FAM117B: variants seen among roughly 807,000 people sequenced by gnomAD.
FAM117B encodes protein FAM117B.
A neutral mutation model predicts 52.8 loss-of-function variants in FAM117B; 22 were observed. The ratio of observed to expected loss-of-function variants is 0.42; its 90% confidence interval spans 0.30 to 0.59. FAM117B has a LOEUF of 0.59. Among genes scored for constraint, FAM117B ranks in the 20% least tolerant of loss-of-function variants. The pLI, the probability that FAM117B is intolerant of heterozygous loss-of-function variation, is 0.22. For missense variants in FAM117B, 678 were observed against 802.6 expected (o/e 0.84, Z 1.88); for synonymous variants, 309 against 324.1 (o/e 0.95, Z 0.50).
intron 1 of FAM117B, among the ~76,000 whole-genome samples, chr2:202,651,444 C>T (rs982643952): frequency 2.6e-5 from 4 of 151,486 alleles, no homozygotes; most frequent in African/African-American, 9.7e-5. Flanking sequence ...ACAATCTTGG[C>T]TCACTGCAAC....
chr2:202,704,106 G>C (rs1366656910), intron 2 of FAM117B, among the ~76,000 whole-genome samples: 3 of 152,052 alleles, frequency 2.0e-5, no homozygotes, highest in African/African-American at 7.3e-5. Flanking sequence ...ATCTCCTTTA[G>C]AGTTCAGACA....
At chr2:202,740,201 A>AAAAAAAAAT (rs1559113324) in intron 4 of FAM117B, among the ~76,000 whole-genome samples, 21 of 147,614 alleles carry the variant, frequency 1.4e-4, no homozygotes, top group African/African-American at 5.0e-4. Flanking sequence ...AAAAAAAAAA[A>AAAAAAAAAT]ATCCCCAAAT....
chr2:202,668,804 C>T (rs1690249656), intron 1 of FAM117B, among the ~76,000 whole-genome samples: 1 of 151,942 alleles, frequency 6.6e-6, no homozygotes, highest in Admixed American at 6.6e-5. Context: ...GTGTTTATTT[C>T]CATTTCATAA....
chr2:202,750,513 A>AAAC (rs1392343037), intron 4 of FAM117B, among the ~76,000 whole-genome samples: 1 of 152,174 alleles, frequency 6.6e-6, no homozygotes, highest in Admixed American at 6.5e-5. Flanking sequence ...ACCCTGTCTC[A>AAAC]AACAACAACA....
intron 1 of FAM117B, among the ~76,000 whole-genome samples, chr2:202,695,360 C>T (rs566181904): frequency 9.9e-5 from 15 of 151,964 alleles, no homozygotes; most frequent in African/African-American, 3.1e-4. Context: ...TTATAAATTG[C>T]GCCATTCTGA....
In FAM117B at chr2:202,765,797, A is replaced by C. The variant is rs1368078870; in HGVS notation, c.*33A>C. On this transcript the variant is annotated 3_prime_UTR_variant, in exon 8 of 8. Transcript: ENST00000392238. ...TGCAACGTGGCTGTTGTTCTGGGAA[A>C]TTGGGAACCTCCTCAGATCACTGGA... 6.3e-7 allele frequency: 1 copy of C among 1,596,792 alleles called. No homozygotes were observed. Among genetic ancestry groups the C allele is most frequent in the African/African-American group, 1.3e-5 (1 of 74,594 alleles).
At chr2:202,723,809 G>A (rs977285417) in intron 2 of FAM117B, among the ~76,000 whole-genome samples, 3 of 152,142 alleles carry the variant, frequency 2.0e-5, no homozygotes, top group Non-Finnish European at 4.4e-5. Flanking sequence ...TGCTGTGTCA[G>A]TTTGCGCATT....
chr2:202,701,462 G>A (rs1391204913), intron 2 of FAM117B, among the ~76,000 whole-genome samples: 1 of 152,098 alleles, frequency 6.6e-6, no homozygotes, highest in Non-Finnish European at 1.5e-5. Flanking sequence ...AAATAATTTT[G>A]ACTTTCCAGT....
intron 1 of FAM117B, among the ~76,000 whole-genome samples, chr2:202,653,308 G>A (rs1343018288): frequency 4.6e-5 from 7 of 152,102 alleles, no homozygotes; most frequent in African/African-American, 1.7e-4. Context: ...CCCCACAAAA[G>A]TGAAGACCCG....
intron 4 of FAM117B, among the ~76,000 whole-genome samples, chr2:202,733,260 A>G (rs1397024807): frequency 6.6e-6 from 1 of 152,272 alleles, no homozygotes; most frequent in Non-Finnish European, 1.5e-5. Context: ...AGCAAAGATC[A>G]CAAGGCAAAG....
chr2:202,645,969 G>T (rs1398121189), intron 1 of FAM117B, among the ~76,000 whole-genome samples: 6 of 150,874 alleles, frequency 4.0e-5, no homozygotes, highest in Non-Finnish European at 8.8e-5. Flanking sequence ...TTATACTTCA[G>T]TTCTTCAAGA....
chr2:202,641,756 A>T (rs890123791), intron 1 of FAM117B, among the ~76,000 whole-genome samples: 1 of 150,576 alleles, frequency 6.6e-6, no homozygotes, highest in Admixed American at 6.7e-5. Flanking sequence ...CTCCTGCCTC[A>T]ACCTCCTGAG....
chr2:202,717,919 C>G (rs757192944), intron 2 of FAM117B, among the ~76,000 whole-genome samples: 15 of 152,162 alleles, frequency 9.9e-5, no homozygotes, highest in Non-Finnish European at 2.2e-4. Context: ...TGGGCAGGTC[C>G]AGAGGTGTTG....
Position 202,638,695 on chromosome 2 carries a change from G to A in FAM117B, c.601+2907G>A, listed in dbSNP as rs1184875884. On this transcript the variant is annotated intron_variant, in intron 1 of 7. Coordinates refer to ENST00000392238, the MANE Select transcript of FAM117B (RefSeq NM_173511.4). ...ATAATAAAAAATAATTTGGCCAGGCGCGGTGGCTCACAGGGGTAATCCCAG... is the reference window on the plus strand; with the variant it reads ...ATAATAAAAAATAATTTGGCCAGGCACGGTGGCTCACAGGGGTAATCCCAG... Among the ~76,000 whole-genome samples, 12 of 152,154 alleles carry A rather than the reference G, an allele frequency of 7.9e-5. No homozygotes were observed. The South Asian group carries it at 1.7e-3, about 21-fold the overall frequency.
At chr2:202,744,655 C>T (rs1218438505) in intron 4 of FAM117B, among the ~76,000 whole-genome samples, 6 of 151,994 alleles carry the variant, frequency 3.9e-5, no homozygotes, top group African/African-American at 1.5e-4. Context: ...AAATATTTTA[C>T]CCAGGAATAA....
At chr2:202,699,449 GAAA>G (rs59522030) in intron 2 of FAM117B, among the ~76,000 whole-genome samples, 2 of 100,032 alleles carry the variant, frequency 2.0e-5, no homozygotes, top group African/African-American at 3.9e-5. Context: ...AAAAAAAAAA[GAAA>G]AAAAAAAAAA....
intron 4 of FAM117B, among the ~76,000 whole-genome samples, chr2:202,733,802 C>CA (rs1691396037): frequency 1.3e-5 from 2 of 152,162 alleles, no homozygotes; most frequent in African/African-American, 4.8e-5. Context: ...GTTGTACAAT[C>CA]AATTTGTACA....
chr2:202,718,124 G>A (rs546123531), intron 2 of FAM117B, among the ~76,000 whole-genome samples: 1 of 152,100 alleles, frequency 6.6e-6, no homozygotes, highest in South Asian at 2.1e-4. Context: ...AGGCCCAAAA[G>A]CTCTTCAGTC....
intron 1 of FAM117B, among the ~76,000 whole-genome samples, chr2:202,686,635 C>T (rs935839458): frequency 5.3e-5 from 8 of 151,960 alleles, no homozygotes; most frequent in Admixed American, 2.6e-4. Context: ...CGGTGAAACC[C>T]GCCTCTACTA....
Sources: allele counts gnomAD v4.1 joint callset (sites outside exome capture counted in the v4.1 genomes callset), GRCh38; gene constraint gnomAD v4.1.1; transcripts MANE v1.5; gene names NCBI Gene and HGNC (gene_info 2026-07-23, HGNC 2026-07-21).